HS1BP3: variants seen among roughly 807,000 people sequenced by gnomAD.
HS1BP3 encodes HCLS1-binding protein 3.
Under a neutral mutation model 33.5 loss-of-function variants are expected in HS1BP3, and 32 were observed. The observed-to-expected ratio is 0.95, with a 90% CI of 0.72 to 1.28. The LOEUF (loss-of-function observed/expected upper bound fraction) is 1.28. Ranked by LOEUF, HS1BP3 falls within the 50% of genes most tolerant of loss-of-function variation. The probability of loss-of-function intolerance (pLI) is 0.00; values close to 1 mark genes in which losing one functional copy is unlikely to be tolerated. For missense variants in HS1BP3, 486 were observed against 502.3 expected, an observed-to-expected ratio of 0.97 and a Z score of 0.31; for synonymous variants, 187 against 209.2, an observed-to-expected ratio of 0.89 and a Z score of 0.92.
At chr2:20,621,169 A>G (rs2149290261) in intron 6 of HS1BP3, among the ~76,000 whole-genome samples, 1 of 152,288 alleles carries the variant, frequency 6.6e-6, no homozygotes, top group South Asian at 2.1e-4. Context: ...GAGAGGCGAT[A>G]CCTCTGATCA....
At position 20,593,027 on chromosome 2, in the gene HS1BP3, TA is replaced by T. The variant is rs1347854202; in HGVS notation, c.*13-234del. Among the ~76,000 whole-genome samples, 20 of 152,202 alleles carry T rather than the reference TA, an allele frequency of 1.3e-4. No homozygotes were observed. In the South Asian group the frequency reaches 3.7e-3, roughly 28 times the overall value. On this transcript the variant is annotated intron_variant, in intron 3 of 3. Transcript: ENST00000415264. ...TTCAAGGCCCTTCAGGATCTGGCCT[TA>T]TCCATGACCTCCAACCTCCCGCTGT...
chr2:20,589,729 C>T (rs1693766008), downstream of HS1BP3, among the ~76,000 whole-genome samples: 2 of 152,272 alleles, frequency 1.3e-5, no homozygotes, highest in South Asian at 4.1e-4. Flanking sequence ...AGGCATGGAC[C>T]AGACCACACC....
chr2:20,648,751 G>A (rs1437324536), intron 1 of HS1BP3, among the ~76,000 whole-genome samples: 1 of 152,080 alleles, frequency 6.6e-6, no homozygotes, highest in Non-Finnish European at 1.5e-5. Context: ...CCTCCTTCCA[G>A]CTGCAGCTGC....
downstream of HS1BP3, among the ~76,000 whole-genome samples, chr2:20,615,979 G>A (rs529635044): frequency 6.6e-6 from 1 of 152,334 alleles, no homozygotes; most frequent in East Asian, 1.9e-4. Context: ...AGGCCCTAGG[G>A]ACTTTCCAGA....
chr2:20,624,924 G>A (rs1694729165), intron 4 of HS1BP3, 32 bp from the exon 5 acceptor site: 2 of 1,612,680 alleles, frequency 1.2e-6, no homozygotes, highest in Non-Finnish European at 1.7e-6. Context: ...ACAAGGTGAG[G>A]ATTTCCCACA....
intron 5 of HS1BP3, among the ~76,000 whole-genome samples, chr2:20,578,987 C>T (rs987516075): frequency 3.3e-5 from 5 of 152,200 alleles, no homozygotes; most frequent in African/African-American, 1.2e-4. Context: ...GAAAGTCAGG[C>T]GGTGTCCCCT....
chr2:20,632,527 T>C (rs920137821), intron 4 of HS1BP3, among the ~76,000 whole-genome samples: 1 of 152,246 alleles, frequency 6.6e-6, no homozygotes, highest in Non-Finnish European at 1.5e-5. Flanking sequence ...CATGCCCTCC[T>C]GTGTGATCCT....
intron 4 of HS1BP3, chr2:20,638,220 C>T (rs1199686924): frequency 1.3e-5 from 8 of 596,944 alleles, no homozygotes; most frequent in East Asian, 5.6e-5. Flanking sequence ...AGAAGGGAGG[C>T]GACACCTAAG....
chr2:20,578,047 A>T (rs1219993250), intron 5 of HS1BP3, among the ~76,000 whole-genome samples: 1 of 152,176 alleles, frequency 6.6e-6, no homozygotes, highest in African/African-American at 2.4e-5. Flanking sequence ...TCTCATCATG[A>T]TCCAGCCGGC....
chr2:20,643,485 C>G (rs1276065358), intron 2 of HS1BP3, among the ~76,000 whole-genome samples: 1 of 152,226 alleles, frequency 6.6e-6, no homozygotes, highest in Non-Finnish European at 1.5e-5. Context: ...CCCTGTAAAG[C>G]AGATTCACTC....
At chr2:20,561,010 A>T (rs578122717) in intron 5 of HS1BP3, among the ~76,000 whole-genome samples, 1 of 152,272 alleles carries the variant, frequency 6.6e-6, no homozygotes, top group South Asian at 2.1e-4. Context: ...GAATCCAGAG[A>T]GAGCAGCCAG....
At chr2:20,635,161 T>C (rs1695085689) in intron 4 of HS1BP3, 1 of 152,200 alleles carries the variant, frequency 6.6e-6, no homozygotes, top group Admixed American at 6.5e-5. Context: ...TCAGGGACCT[T>C]GCTCTGGGGC....
chr2:20,582,059 G>T (rs1353206130), intron 5 of HS1BP3, among the ~76,000 whole-genome samples: 3 of 152,208 alleles, frequency 2.0e-5, no homozygotes, highest in Admixed American at 2.0e-4. Flanking sequence ...CAACTGATTT[G>T]GGGCCTCAAT....
At chr2:20,566,143 C>T (rs1693121455) in intron 5 of HS1BP3, among the ~76,000 whole-genome samples, 1 of 152,232 alleles carries the variant, frequency 6.6e-6, no homozygotes, top group African/African-American at 2.4e-5. Context: ...CCAGCTTTGC[C>T]CCATCCCGGC....
rs546417729 is a variant in HS1BP3 at position 20,642,633 on chromosome 2, G to A, written c.199-1453C>T. ...CCACAGACCCAGCATATCCAGGCTCGGGGAACCTCCATCTCCAGGGCACTG... is the reference window on the plus strand; with the variant it reads ...CCACAGACCCAGCATATCCAGGCTCAGGGAACCTCCATCTCCAGGGCACTG... On this transcript the variant is annotated intron_variant, in intron 2 of 6. Transcript: ENST00000304031. 6.6e-5 allele frequency among the ~76,000 whole-genome samples: 10 copies of A among 152,302 alleles called. No individual in the cohort carries two copies. The South Asian group carries it at 1.0e-3, about 16-fold the overall frequency.
chr2:20,575,577 G>T (rs1693378411), intron 5 of HS1BP3, among the ~76,000 whole-genome samples: 1 of 152,208 alleles, frequency 6.6e-6, no homozygotes, highest in South Asian at 2.1e-4. Context: ...CATCCCTGGA[G>T]GCCCCGCCAC....
intron 5 of HS1BP3, among the ~76,000 whole-genome samples, chr2:20,574,482 C>T (rs980226676): frequency 2.6e-5 from 4 of 152,168 alleles, no homozygotes; most frequent in African/African-American, 9.7e-5. Flanking sequence ...CTGCGAAGGG[C>T]CCTAGGCTTG....
rs376791365 is a variant in HS1BP3 at position 20,638,617 on chromosome 2, T to C, written c.442A>G (p.Arg148Gly). 1.4e-4 allele frequency: 228 copies of C among 1,614,092 alleles called. No individual in the cohort carries two copies. The highest frequency in any genetic ancestry group is 1.8e-4 in the Non-Finnish European group (218 of 1,180,046). Residue 148 changes from arginine to glycine, a missense_variant, in exon 4 of 7, where the codon AGA becomes GGA. Coordinates refer to ENST00000304031, the MANE Select transcript of HS1BP3 (RefSeq NM_022460.4). ...RSPGAAGLTS[R>G]DSSVLDGTDS... ...GTGCCATCCAGGACAGAGGAATCTC[T>C]GCTGGTGAGCCCTGCAGCCCCTGGG...
chr2:20,587,723 G>C (rs561721247), downstream of HS1BP3, among the ~76,000 whole-genome samples: 67 of 151,932 alleles, frequency 4.4e-4, no homozygotes, highest in Non-Finnish European at 1.5e-4. Context: ...TCCAGCCTGG[G>C]CGACAGAGCG....
Sources: gnomAD v4.1 joint callset for allele counts (sites outside exome capture counted in the v4.1 genomes callset) on GRCh38, gnomAD v4.1.1 for gene constraint, MANE v1.5 for transcripts, NCBI Gene and HGNC (gene_info 2026-07-23, HGNC 2026-07-21) for gene names.